Variants in UBE2V2 observed in about 807,000 individuals in gnomAD.
UBE2V2 encodes ubiquitin conjugating enzyme E2 V2, also known as ubiquitin-conjugating enzyme E2 variant 2.
A neutral mutation model predicts 17.2 loss-of-function variants in UBE2V2; 9 were observed. The ratio of observed to expected loss-of-function variants is 0.52; its 90% CI spans 0.32 to 0.91. The LOEUF (loss-of-function observed/expected upper bound fraction) is 0.91. Among genes scored for constraint, UBE2V2 ranks in the 40% least tolerant of loss-of-function variants. The probability of loss-of-function intolerance (pLI) is 0.04; values close to 1 mark genes in which losing one functional copy is unlikely to be tolerated. For synonymous variants in UBE2V2, 61 were observed against 57.5 expected, an observed-to-expected ratio of 1.06 and a Z score of -0.28; for missense variants, 133 against 182.6, an observed-to-expected ratio of 0.73 and a Z score of 1.56.
chr8:48,036,166 G>T (rs1260090518), intron 1 of UBE2V2, among the ~76,000 whole-genome samples: 1 of 151,160 alleles, frequency 6.6e-6, no homozygotes, highest in Non-Finnish European at 1.5e-5. Context: ...TGTTGCTCAG[G>T]CTTGTCTTGA....
intron 1 of UBE2V2, among the ~76,000 whole-genome samples, chr8:48,030,738 C>T (rs1439732986): frequency 1.3e-5 from 2 of 151,468 alleles, no homozygotes; most frequent in African/African-American, 4.8e-5. Context: ...AAAACAAAAA[C>T]TGGCTAGGCA....
chr8:48,060,914 A>G lies in UBE2V2; in HGVS notation c.*86A>G. 1 of 1,228,266 alleles carries G rather than the reference A, an allele frequency of 8.1e-7. No homozygotes were observed. Among genetic ancestry groups the G allele is most frequent in the Non-Finnish European group, 1.1e-6 (1 of 942,990 alleles). The allele number at this position is 1,228,266 out of a possible 1,614,324, so 76.1% of individuals were successfully genotyped here. Reference sequence around the variant, plus strand: ...TTAAATATCACAATGCAAAATACACATTAAGTAAAAGAATTCCAGCTGGTA... The same window carrying G: ...TTAAATATCACAATGCAAAATACACGTTAAGTAAAAGAATTCCAGCTGGTA... On this transcript the variant is annotated 3_prime_UTR_variant, in exon 4 of 4. Coordinates refer to ENST00000523111, the MANE Select transcript of UBE2V2 (RefSeq NM_003350.3).
chr8:48,037,426 A>T (rs2091432059), intron 1 of UBE2V2, among the ~76,000 whole-genome samples: 2 of 152,232 alleles, frequency 1.3e-5, no homozygotes, highest in Non-Finnish European at 2.9e-5. Flanking sequence ...TGTGTTGGTC[A>T]TTGAGATATA....
In UBE2V2 at chr8:48,061,108, G is replaced by C. The variant is rs914057472; in HGVS notation, c.*280G>C. 7 of 209,656 alleles carry C rather than the reference G, an allele frequency of 3.3e-5. No homozygotes were observed. Among genetic ancestry groups the C allele is most frequent in the Non-Finnish European group, 6.6e-5 (7 of 106,262 alleles). The allele number at this position is 209,656 out of a possible 1,614,324, so 13.0% of individuals were successfully genotyped here. On this transcript the variant is annotated 3_prime_UTR_variant, in exon 4 of 4. Transcript: ENST00000523111. ...GAATTCAGGTTTACAAGATGAAAGC[G>C]TGTGGAGAAGTGTCAGATGGCAGTG...
intron 1 of UBE2V2, among the ~76,000 whole-genome samples, chr8:48,021,304 CTTT>C (rs1169402032): frequency 8.2e-4 from 103 of 125,952 alleles, no homozygotes; most frequent in Non-Finnish European, 1.2e-3. Flanking sequence ...GTCTCGAACC[CTTT>C]TTTTTTTTTT....
chr8:48,039,098 C>G (rs1299910751), intron 1 of UBE2V2, among the ~76,000 whole-genome samples: 1 of 151,852 alleles, frequency 6.6e-6, no homozygotes, highest in African/African-American at 2.4e-5. Flanking sequence ...ACGGGTTTGA[C>G]CATGCTGGCC....
intron 3 of UBE2V2, among the ~76,000 whole-genome samples, chr8:48,050,993 C>T (rs2091533060): frequency 6.6e-6 from 1 of 152,146 alleles, no homozygotes; most frequent in Non-Finnish European, 1.5e-5. Flanking sequence ...CTACAAGGCA[C>T]ATGCCACCAA....
upstream of UBE2V2, chr8:48,008,254 A>G: frequency 3.6e-6 from 2 of 553,892 alleles, no homozygotes; most frequent in Non-Finnish European, 5.7e-6. Flanking sequence ...TTTCATTTTG[A>G]GAGCGGGATT....
intron 1 of UBE2V2, among the ~76,000 whole-genome samples, chr8:48,040,093 A>G (rs1015885378): frequency 6.6e-5 from 10 of 151,110 alleles, no homozygotes; most frequent in African/African-American, 2.4e-4. Flanking sequence ...AAAAGTTAAC[A>G]TAAGTAGTAC....
At chr8:48,016,401 A>G (rs1563849024) in intron 1 of UBE2V2, among the ~76,000 whole-genome samples, 1 of 151,838 alleles carries the variant, frequency 6.6e-6, no homozygotes, top group Non-Finnish European at 1.5e-5. Context: ...CTTTCTCCAT[A>G]TGGTTGTACT....
At chr8:48,007,736 T>G (rs771016070), upstream of UBE2V2, among the ~76,000 whole-genome samples, 1 of 47,652 alleles carries the variant, frequency 2.1e-5, no homozygotes, top group Non-Finnish European at 3.7e-5. Flanking sequence ...CCTTTTTCTT[T>G]CTTTCTTTTT....
chr8:48,015,889 T>A (rs1374410656), intron 1 of UBE2V2, among the ~76,000 whole-genome samples: 1 of 151,296 alleles, frequency 6.6e-6, no homozygotes, highest in African/African-American at 2.4e-5. Flanking sequence ...TCCATTTGTC[T>A]GTGTGGTTTT....
chr8:48,037,968 T>C (rs1276920360), intron 1 of UBE2V2, among the ~76,000 whole-genome samples: 1 of 152,238 alleles, frequency 6.6e-6, no homozygotes, highest in African/African-American at 2.4e-5. Context: ...GCTGAATTGC[T>C]AAGGGTGCCC....
intron 3 of UBE2V2, 166 bp downstream of exon 3, chr8:48,050,144 G>A (rs1408369774): frequency 2.2e-6 from 1 of 451,872 alleles, no homozygotes; most frequent in Non-Finnish European, 3.7e-6. Context: ...GCATTATGTT[G>A]TTTTTCTTTT....
At chr8:48,013,804 G>A (rs2091249254) in intron 1 of UBE2V2, among the ~76,000 whole-genome samples, 2 of 152,174 alleles carry the variant, frequency 1.3e-5, no homozygotes, top group African/African-American at 4.8e-5. Flanking sequence ...CTTCAGAAGT[G>A]GGTAGCATTG....
At chr8:47,998,455 C>T in the UBE2V2 span, among the ~76,000 whole-genome samples, 1 of 151,842 alleles carries the variant, frequency 6.6e-6, no homozygotes, top group Non-Finnish European at 1.5e-5. Flanking sequence ...GCCTGGAGGC[C>T]GGAGGAAGCC....
At chr8:48,004,826 G>A (rs1194970465), upstream of UBE2V2, among the ~76,000 whole-genome samples, 1 of 151,638 alleles carries the variant, frequency 6.6e-6, no homozygotes, top group Non-Finnish European at 1.5e-5. Context: ...ACCGCACCTG[G>A]CCCCCTGCAT....
chr8:48,053,356 A>G (rs1398949552), intron 3 of UBE2V2, among the ~76,000 whole-genome samples: 1 of 152,200 alleles, frequency 6.6e-6, no homozygotes, highest in Non-Finnish European at 1.5e-5. Context: ...TAGAACCAGC[A>G]TCTATGTGTC....
At chr8:48,000,821 CAAAA>C in the UBE2V2 span, among the ~76,000 whole-genome samples, 197 of 20,514 alleles carry the variant, frequency 9.6e-3, no homozygotes, top group African/African-American at 0.029. Flanking sequence ...GACTTTGCCT[CAAAA>C]AAAAAAAAAA....
Sources: allele counts gnomAD v4.1 joint callset (sites outside exome capture counted in the v4.1 genomes callset), GRCh38; gene constraint gnomAD v4.1.1; transcripts MANE v1.5; gene names NCBI Gene and HGNC (gene_info 2026-07-23, HGNC 2026-07-21).